The following FAM168A variants were observed in gnomAD, a reference collection of about 807,000 sequenced individuals.
FAM168A encodes the protein family with sequence similarity 168 member A.
FAM168A carries 3 observed loss-of-function variants against 28.5 expected under a neutral mutation model. The ratio of observed to expected loss-of-function variants is 0.11; its 90% CI spans 0.05 to 0.27. The LOEUF (loss-of-function observed/expected upper bound fraction) is 0.27, where lower values mean the gene tolerates loss of function less well. Ranked by LOEUF, FAM168A falls within the 10% of genes least tolerant of loss-of-function variation. FAM168A has a pLI of 1.00. For missense variants in FAM168A, 222 were observed against 311.5 expected (o/e 0.71, Z 2.16); for synonymous variants, 122 against 124.2 (o/e 0.98, Z 0.12).
rs979645200 is a variant in FAM168A at position 73,436,969 on chromosome 11, G to A, written c.71-6199C>T. Among the ~76,000 whole-genome samples, 3 of 152,180 alleles carry A rather than the reference G, an allele frequency of 2.0e-5. No homozygotes were observed. In the South Asian group the frequency reaches 6.2e-4, roughly 32 times the overall value. ...GTGGAAAGGTCATGGTTGTGTTATT[G>A]AAAAGTATCACAGGCACTGAATTAT... On this transcript the variant is annotated intron_variant, in intron 2 of 7. Transcript: ENST00000356467.
chr11:73,566,080 T>C (rs1374693703), intron 1 of FAM168A, among the ~76,000 whole-genome samples: 5 of 152,236 alleles, frequency 3.3e-5, no homozygotes, highest in Admixed American at 6.5e-5. Flanking sequence ...TTACCTTTTA[T>C]CATGTTAACA....
In FAM168A at chr11:73,489,021, T is replaced by C. The variant is rs186426899; in HGVS notation, c.-18-20529A>G. On this transcript the variant is annotated intron_variant, in intron 1 of 7. Transcript: ENST00000356467. Reference sequence around the variant, plus strand: ...CTCCAGCCTCAGCCTCCCGAGTAGCTGGGACTGTAAGTGTATGCCCGTCTA... The same window carrying C: ...CTCCAGCCTCAGCCTCCCGAGTAGCCGGGACTGTAAGTGTATGCCCGTCTA... 1.6e-3 allele frequency among the ~76,000 whole-genome samples: 241 copies of C among 152,246 alleles called. 2 individuals carry two copies. Among genetic ancestry groups the C allele is most frequent in the African/African-American group, 5.5e-3 (229 of 41,538 alleles).
At chr11:73,499,807 A>G (rs920914884) in intron 1 of FAM168A, among the ~76,000 whole-genome samples, 1 of 152,084 alleles carries the variant, frequency 6.6e-6, no homozygotes, top group African/African-American at 2.4e-5. Context: ...GAAATAAGAC[A>G]TGCAGACAAA....
At chr11:73,480,913 A>G (rs1439674550) in intron 1 of FAM168A, among the ~76,000 whole-genome samples, 1 of 151,996 alleles carries the variant, frequency 6.6e-6, no homozygotes, top group East Asian at 1.9e-4. Context: ...CTGCCTTCAC[A>G]CTCTACAATA....
intron 1 of FAM168A, among the ~76,000 whole-genome samples, chr11:73,594,080 C>T (rs1239434290): frequency 6.6e-6 from 1 of 152,020 alleles, no homozygotes; most frequent in Non-Finnish European, 1.5e-5. Context: ...CTGGTTTGTT[C>T]CCCTTGACAG....
chr11:73,451,287 A>C (rs984495679), intron 2 of FAM168A, among the ~76,000 whole-genome samples: 2 of 152,190 alleles, frequency 1.3e-5, no homozygotes, highest in Admixed American at 6.5e-5. Context: ...CTAAATGTGA[A>C]TTACTGTTTA....
rs561685836 is a variant in FAM168A, at chr11:73,402,895, A to T, written c.*3868T>A. On this transcript the variant is annotated 3_prime_UTR_variant, in exon 8 of 8. Coordinates refer to ENST00000356467, the MANE Select transcript of FAM168A (RefSeq NM_015159.3). ...CAAAGCAGTTCATACAAATCTGCTCAGCTCAGAGACTGGGCTTCCCAGCTC... is the reference window on the plus strand; with the variant it reads ...CAAAGCAGTTCATACAAATCTGCTCTGCTCAGAGACTGGGCTTCCCAGCTC... The T allele has an allele frequency of 6.6e-6, 1 of 152,338 alleles. No homozygotes were observed. Among genetic ancestry groups the T allele is most frequent in the South Asian group, 2.1e-4 (1 of 4,834 alleles). The allele number at this position is 152,338 out of a possible 1,614,324, so 9.4% of individuals were successfully genotyped here. A position where few individuals can be genotyped will look rare whatever the true frequency, so the allele number is the denominator to read the frequency against.
chr11:73,498,412 A>T (rs561824835), intron 1 of FAM168A, among the ~76,000 whole-genome samples: 2 of 152,264 alleles, frequency 1.3e-5, no homozygotes, highest in African/African-American at 4.8e-5. Flanking sequence ...CAACCCACGG[A>T]TCAGAAGATC....
At position 73,401,657 on chromosome 11, in the gene FAM168A, C is replaced by G. The variant is rs1432268209; in HGVS notation, c.*5106G>C. 6.6e-6 allele frequency: 1 copy of G among 152,222 alleles called. No individual in the cohort carries two copies. The highest frequency in any genetic ancestry group is 1.5e-5 in the Non-Finnish European group (1 of 68,050). The allele number at this position is 152,222 out of a possible 1,614,324, so 9.4% of individuals were successfully genotyped here. A position where few individuals can be genotyped will look rare whatever the true frequency, so the allele number is the denominator to read the frequency against. On this transcript the variant is annotated 3_prime_UTR_variant, in exon 8 of 8. Transcript: ENST00000356467. ...GCTGGAATGGGTAGAGGACCTCTAC[C>G]ACAGCAAGGATATCCAGGGACTATC...
chr11:73,499,347 T>A (rs1237101491), intron 1 of FAM168A, among the ~76,000 whole-genome samples: 2 of 151,026 alleles, frequency 1.3e-5, no homozygotes, highest in South Asian at 2.1e-4. Context: ...AAAAAAAGGC[T>A]CCCACAAAAA....
At chr11:73,437,053 C>A (rs1156368305) in intron 2 of FAM168A, among the ~76,000 whole-genome samples, 1 of 151,356 alleles carries the variant, frequency 6.6e-6, no homozygotes, top group Non-Finnish European at 1.5e-5. Flanking sequence ...CACAGGAATA[C>A]CCTTTATAGT....
rs527940999 is a variant in FAM168A at position 73,464,675 on chromosome 11, A to C, written c.70+3730T>G. 2.2e-4 allele frequency among the ~76,000 whole-genome samples: 34 copies of C among 152,350 alleles called. 1 individual carries two copies. The South Asian group carries it at 6.8e-3, about 31-fold the overall frequency. ...AGACTCAACCCCAACACTTTCTTCA[A>C]AACACTTCTTATACTCCATCTTTTC... On this transcript the variant is annotated intron_variant, in intron 2 of 7. Transcript: ENST00000356467.
chr11:73,587,169 A>C (rs548929437), intron 1 of FAM168A, among the ~76,000 whole-genome samples: 56 of 150,246 alleles, frequency 3.7e-4, no homozygotes, highest in African/African-American at 1.1e-3. Context: ...AAAAAAAAAA[A>C]AAAAAAAAAC....
At chr11:73,490,297 CCT>C (rs928620968) in intron 1 of FAM168A, among the ~76,000 whole-genome samples, 6 of 151,916 alleles carry the variant, frequency 3.9e-5, no homozygotes, top group East Asian at 3.8e-4. Context: ...TACTGCCCCC[CCT>C]GTTTTTGCAT....
At chr11:73,541,124 G>A (rs535269203) in intron 1 of FAM168A, among the ~76,000 whole-genome samples, 1 of 151,958 alleles carries the variant, frequency 6.6e-6, no homozygotes, top group Non-Finnish European at 1.5e-5. Flanking sequence ...AGAAGCACCT[G>A]AACCTGCGAG....
At chr11:73,492,446 G>A (rs1868141462) in intron 1 of FAM168A, among the ~76,000 whole-genome samples, 1 of 152,064 alleles carries the variant, frequency 6.6e-6, no homozygotes, top group African/African-American at 2.4e-5. Context: ...AGGAGTTCAA[G>A]ACCAGCATGG....
At chr11:73,591,309 T>TA (rs1439048262) in intron 1 of FAM168A, among the ~76,000 whole-genome samples, 1 of 152,234 alleles carries the variant, frequency 6.6e-6, no homozygotes, top group Admixed American at 6.5e-5. Flanking sequence ...TTAATCACTA[T>TA]ATGCCTCAGT....
At chr11:73,523,575 T>C (rs1943412215) in intron 1 of FAM168A, among the ~76,000 whole-genome samples, 1 of 152,142 alleles carries the variant, frequency 6.6e-6, no homozygotes, top group African/African-American at 2.4e-5. Flanking sequence ...TGCTTCCCAA[T>C]GGTAATCACG....
chr11:73,533,281 TATA>T (rs2134666753), intron 1 of FAM168A, among the ~76,000 whole-genome samples: 1 of 152,304 alleles, frequency 6.6e-6, no homozygotes, highest in South Asian at 2.1e-4. Flanking sequence ...GAAGTTTCAT[TATA>T]ATATGTCACT....
Sources: allele counts gnomAD v4.1 joint callset (sites outside exome capture counted in the v4.1 genomes callset), GRCh38; gene constraint gnomAD v4.1.1; transcripts MANE v1.5; gene names NCBI Gene and HGNC (gene_info 2026-07-23, HGNC 2026-07-21).